Variants in XKR7 observed in about 807,000 individuals in gnomAD.
The protein encoded by XKR7 is XK-related protein 7.
Under a neutral mutation model 42.2 loss-of-function variants are expected in XKR7, and 11 were observed. The observed-to-expected ratio is 0.26, with a 90% CI of 0.16 to 0.43. XKR7 has a LOEUF of 0.43. XKR7 is among the 20% of genes least tolerant of loss of function. The probability of loss-of-function intolerance (pLI) is 1.00; values close to 1 mark genes in which losing one functional copy is unlikely to be tolerated. For missense variants in XKR7, 710 were observed against 802.2 expected (o/e 0.89, Z 1.39); for synonymous variants, 346 against 366.4 (o/e 0.94, Z 0.64).
At chr20:31,979,512 A>G (rs1047306436) in intron 1 of XKR7, among the ~76,000 whole-genome samples, 2 of 152,166 alleles carry the variant, frequency 1.3e-5, no homozygotes, top group Non-Finnish European at 2.9e-5. Flanking sequence ...AACTCCAGCC[A>G]TGTTGGGCTC....
chr20:31,996,779 G>T lies in XKR7; in HGVS notation c.1062G>T (p.Lys354Asn). The change falls in exon 3 of 3, where the codon AAG becomes AAT. Residue 354 changes from lysine (K) to asparagine (N), a missense_variant. By Grantham distance (94) the Lys-to-Asn change is moderately conservative. Coordinates refer to ENST00000562532, the MANE Select transcript of XKR7 (RefSeq NM_001011718.2). ...GGGAGACGGACTTCTGCATGTCCAA[G>T]TGGGAGGAGATCATCTACAACATGG... ...IQGETDFCMS[K>N]WEEIIYNMVV... 1 of 1,614,086 alleles carries T rather than the reference G, an allele frequency of 6.2e-7. No homozygotes were observed. The highest frequency in any genetic ancestry group is 8.5e-7 in the Non-Finnish European group (1 of 1,180,016).
At chr20:31,980,588 C>G (rs1257403739) in intron 1 of XKR7, among the ~76,000 whole-genome samples, 1 of 152,198 alleles carries the variant, frequency 6.6e-6, no homozygotes, top group African/African-American at 2.4e-5. Flanking sequence ...GCTCTAGACT[C>G]TATTCCCCTG....
chr20:31,997,711 A>G lies in XKR7; in HGVS notation c.*254A>G, dbSNP rs2064602460. 9 of 501,894 alleles carry G rather than the reference A, an allele frequency of 1.8e-5. No individual in the cohort carries two copies. The South Asian group carries it at 2.5e-4, about 14-fold the overall frequency. 31.1% of individuals were successfully genotyped at this position (501,894 alleles called of 1,614,324 possible). On this transcript the variant is annotated 3_prime_UTR_variant, in exon 3 of 3. Coordinates refer to ENST00000562532, the MANE Select transcript of XKR7 (RefSeq NM_001011718.2). ...AGGGCCTGGGGAATCATCTGGTGCT[A>G]CACTTTTCGAGCTGCCCTGCTTTCA... is the stretch of plus-strand genomic sequence containing the variant.
intron 1 of XKR7, among the ~76,000 whole-genome samples, chr20:31,973,334 AC>A (rs750921919): frequency 6.6e-6 from 1 of 152,222 alleles, no homozygotes; most frequent in Non-Finnish European, 1.5e-5. Context: ...CCTGCTGTAT[AC>A]CAGGCACTGT....
At chr20:31,979,296 C>G (rs2064500525) in intron 1 of XKR7, among the ~76,000 whole-genome samples, 1 of 151,860 alleles carries the variant, frequency 6.6e-6, no homozygotes. Flanking sequence ...CTTACTGAAG[C>G]CTGGAACTCT....
rs184191432 is a variant in XKR7 at position 31,968,694 on chromosome 20, C to T, written c.519C>T (p.Cys173=). Residue 173 remains cysteine, a synonymous_variant, in exon 1 of 3, where the codon TGC becomes TGT. Coordinates refer to ENST00000562532, the MANE Select transcript of XKR7 (RefSeq NM_001011718.2). The surrounding 1 kb of genome is among the most constrained non-coding windows in gnomAD (Gnocchi z 4.5). The part of the protein sequence containing the change: ...PSSASAYRRR[C]CRLCIWLLQT... ...CGGCCAGCGCCTACCGCCGCCGCTG[C>T]TGCCGCCTCTGCATCTGGCTGCTGC... is the stretch of plus-strand genomic sequence containing the variant. 1.0e-5 allele frequency: 16 copies of T among 1,565,132 alleles called. No homozygotes were observed. Among genetic ancestry groups the T allele is most frequent in the Middle Eastern group, 1.9e-4 (1 of 5,298 alleles).
intron 1 of XKR7, among the ~76,000 whole-genome samples, chr20:31,979,282 A>C (rs958824476): frequency 6.6e-6 from 1 of 151,938 alleles, no homozygotes; most frequent in East Asian, 1.9e-4. Flanking sequence ...TGCCACAGTC[A>C]TGGCTTACTG....
chr20:31,991,967 A>T (rs2064572166), intron 1 of XKR7, among the ~76,000 whole-genome samples: 1 of 152,026 alleles, frequency 6.6e-6, no homozygotes, highest in African/African-American at 2.4e-5. Flanking sequence ...AAAATACAAA[A>T]TTAGCCAGGC....
rs1412993103 is a variant in XKR7 at position 31,999,377 on chromosome 20, T to C, written c.*1920T>C. 2 of 152,160 alleles carry C rather than the reference T, an allele frequency of 1.3e-5. No individual in the cohort carries two copies. Among genetic ancestry groups the C allele is most frequent in the East Asian group, 3.9e-4 (2 of 5,178 alleles). 9.4% of individuals were successfully genotyped at this position (152,160 alleles called of 1,614,324 possible). ...ATACACACAAGCACAAGCACAACCATGATACGGGTCACCCTCCCCACCAGC... is the reference window on the plus strand; with the variant it reads ...ATACACACAAGCACAAGCACAACCACGATACGGGTCACCCTCCCCACCAGC... On this transcript the variant is annotated 3_prime_UTR_variant, in exon 3 of 3. Coordinates refer to ENST00000562532, the MANE Select transcript of XKR7 (RefSeq NM_001011718.2).
chr20:31,979,827 A>T (rs2064503055), intron 1 of XKR7, among the ~76,000 whole-genome samples: 1 of 152,074 alleles, frequency 6.6e-6, no homozygotes. Flanking sequence ...AGAAAGGGGG[A>T]ACAAAAGGCC....
intron 1 of XKR7, among the ~76,000 whole-genome samples, chr20:31,993,081 T>TC (rs1241326218): frequency 1.5e-5 from 2 of 137,246 alleles, no homozygotes; most frequent in African/African-American, 6.2e-5. Context: ...GTGTAAGGGT[T>TC]CCCCCTCCAC....
rs1257233237 is a variant in XKR7 at position 31,996,519 on chromosome 20, G to A, written c.802G>A (p.Ala268Thr). ...TGTCTCCACAGCCCTCTCCACCTCC[G>A]CCTCCCTCGTGTCTCTGGCCTGGAC... The part of the protein sequence containing the change: ...PDLLPALSTS[A>T]SLVSLAWTLA... Residue 268 changes from alanine (A) to threonine (T), a missense_variant, in exon 3 of 3, where the codon GCC (alanine) becomes ACC (threonine). This residue lies in a region of XKR7 where 708 missense variants were observed against 786.2 expected (regional missense o/e 0.90). Coordinates refer to ENST00000562532, the MANE Select transcript of XKR7 (RefSeq NM_001011718.2). 3 of 961,578 alleles carry A rather than the reference G, an allele frequency of 3.1e-6. No homozygotes were observed. Among genetic ancestry groups the A allele is most frequent in the African/African-American group, 3.4e-5 (1 of 29,662 alleles). The allele number at this position is 961,578 out of a possible 1,614,324, so 59.6% of individuals were successfully genotyped here.
Position 31,998,325 on chromosome 20 carries a change from A to T in XKR7, c.*868A>T, listed in dbSNP as rs1038040457. On this transcript the variant is annotated 3_prime_UTR_variant, in exon 3 of 3. Transcript: ENST00000562532. ...ACAGGTCTTCAACACAGCAGATAAG[A>T]TGTCTGGAAAGATCTCTGGGCTCAA... 2 of 152,054 alleles carry T rather than the reference A, an allele frequency of 1.3e-5. No individual in the cohort carries two copies. Among genetic ancestry groups the T allele is most frequent in the African/African-American group, 2.4e-5 (1 of 41,360 alleles). 9.4% of individuals were successfully genotyped at this position (152,054 alleles called of 1,614,324 possible).
intron 1 of XKR7, among the ~76,000 whole-genome samples, chr20:31,992,675 T>A (rs2064575057): frequency 6.6e-6 from 1 of 152,118 alleles, no homozygotes; most frequent in Non-Finnish European, 1.5e-5. Flanking sequence ...GTTGATGGTG[T>A]GTTTATGCCA....
rs752843713 is a variant in XKR7, at chr20:31,996,669, G to A, written c.952G>A (p.Ala318Thr). 2 of 1,602,650 alleles carry A rather than the reference G, an allele frequency of 1.2e-6. No individual in the cohort carries two copies. The highest frequency in any genetic ancestry group is 2.2e-5 in the East Asian group (1 of 44,728). Residue 318 changes from alanine (A) to threonine (T), a missense_variant, in exon 3 of 3, where the codon GCG becomes ACG. By Grantham distance (58) the Ala-to-Thr change is moderately conservative. Coordinates refer to ENST00000562532, the MANE Select transcript of XKR7 (RefSeq NM_001011718.2). ...CATTGCCGCCCGCGGCCTGGCCTTC[G>A]CGCTCTTCGCCAGCGTCTACAAGCT... ...FSIAARGLAF[A>T]LFASVYKLYF...
intron 1 of XKR7, chr20:31,970,742 A>G (rs1032292568): frequency 3.3e-5 from 5 of 152,230 alleles, no homozygotes; most frequent in Admixed American, 2.6e-4. Flanking sequence ...CCCTTTGATC[A>G]TATCTGTACT....
At chr20:31,974,653 AG>A in intron 1 of XKR7, among the ~76,000 whole-genome samples, 1 of 118,240 alleles carries the variant, frequency 8.5e-6, no homozygotes, top group Non-Finnish European at 2.1e-5. Context: ...AAAACAGGTC[AG>A]GGGTTGGATT....
intron 1 of XKR7, among the ~76,000 whole-genome samples, chr20:31,975,914 C>T (rs574699481): frequency 6.6e-6 from 1 of 152,290 alleles, no homozygotes; most frequent in South Asian, 2.1e-4. Flanking sequence ...CTTGACAATC[C>T]TGCCAGGTAG....
intron 1 of XKR7, among the ~76,000 whole-genome samples, chr20:31,988,287 C>T (rs2064552252): frequency 6.6e-6 from 1 of 152,108 alleles, no homozygotes; most frequent in Non-Finnish European, 1.5e-5. Context: ...GAGAGCAGCC[C>T]CCAAACTCTG....
Sources: allele counts gnomAD v4.1 joint callset (sites outside exome capture counted in the v4.1 genomes callset), GRCh38; gene constraint gnomAD v4.1.1; regional missense constraint gnomAD v4.1.1; non-coding constraint Gnocchi (gnomAD v3.1); transcripts MANE v1.5; gene names NCBI Gene and HGNC (gene_info 2026-07-23, HGNC 2026-07-21).